CDYL2: variants seen among roughly 807,000 people sequenced by gnomAD.
CDYL2 encodes chromodomain Y-like protein 2.
CDYL2 carries 23 observed loss-of-function variants against 49.4 expected under a neutral mutation model. That is an observed-to-expected ratio of 0.47 (90% confidence interval 0.34 to 0.66). The LOEUF (loss-of-function observed/expected upper bound fraction) is 0.66, where lower values mean the gene tolerates loss of function less well. Ranked by LOEUF, CDYL2 falls within the 30% of genes least tolerant of loss-of-function variation. The pLI is 0.01. For synonymous variants in CDYL2, 360 were observed against 268.8 expected, an observed-to-expected ratio of 1.34 and a Z score of -3.32; for missense variants, 678 against 656.4, an observed-to-expected ratio of 1.03 and a Z score of -0.36.
intron 2 of CDYL2, among the ~76,000 whole-genome samples, chr16:80,679,430 T>C (rs753173711): frequency 1.3e-5 from 2 of 152,146 alleles, no homozygotes; most frequent in Non-Finnish European, 2.9e-5. Flanking sequence ...GGCCGTGGTA[T>C]AGAGGCCAGC....
intron 2 of CDYL2, among the ~76,000 whole-genome samples, chr16:80,649,167 G>A (rs1287556895): frequency 6.6e-6 from 1 of 151,988 alleles, no homozygotes; most frequent in Non-Finnish European, 1.5e-5. Flanking sequence ...AAGAAATAAA[G>A]GGCTTCCAAA....
intron 2 of CDYL2, among the ~76,000 whole-genome samples, chr16:80,659,411 G>C (rs1044818403): frequency 3.3e-5 from 5 of 152,030 alleles, no homozygotes; most frequent in African/African-American, 1.2e-4. Context: ...AAAACTGAAT[G>C]TGGGCTAAAA....
At chr16:80,742,488 G>GGATGGATA (rs1229092017) in intron 1 of CDYL2, among the ~76,000 whole-genome samples, 1 of 151,398 alleles carries the variant, frequency 6.6e-6, no homozygotes, top group Admixed American at 6.6e-5. Flanking sequence ...ATGGATGGAT[G>GGATGGATA]GATGGATGAA....
chr16:80,682,290 G>C (rs1289219971), intron 2 of CDYL2, among the ~76,000 whole-genome samples: 1 of 152,188 alleles, frequency 6.6e-6, no homozygotes, highest in Non-Finnish European at 1.5e-5. Flanking sequence ...AGGCAAATAT[G>C]AGGAAGATAA....
At chr16:80,755,917 T>C (rs1906294957) in intron 1 of CDYL2, among the ~76,000 whole-genome samples, 1 of 152,150 alleles carries the variant, frequency 6.6e-6, no homozygotes, top group Non-Finnish European at 1.5e-5. Context: ...CTAAAACTGC[T>C]CTAAAATAAA....
At chr16:80,742,186 C>T (rs1905760854) in intron 1 of CDYL2, 1 of 152,238 alleles carries the variant, frequency 6.6e-6, no homozygotes, top group African/African-American at 2.4e-5. Flanking sequence ...GGCAGTGTGC[C>T]TACCTAGCCC....
intron 1 of CDYL2, among the ~76,000 whole-genome samples, chr16:80,783,018 G>C (rs1907323335): frequency 6.6e-6 from 1 of 151,936 alleles, no homozygotes; most frequent in Admixed American, 6.6e-5. Context: ...CAAGAGCTAA[G>C]GCAATGAAAG....
intron 1 of CDYL2, among the ~76,000 whole-genome samples, chr16:80,768,265 C>T (rs1340417589): frequency 6.6e-6 from 1 of 152,200 alleles, no homozygotes; most frequent in Non-Finnish European, 1.5e-5. Flanking sequence ...CTCTCTCTCC[C>T]TATTCACTGG....
intron 1 of CDYL2, among the ~76,000 whole-genome samples, chr16:80,762,917 G>T (rs112930568): frequency 5.9e-5 from 9 of 152,284 alleles, no homozygotes; most frequent in South Asian, 2.1e-4. Context: ...CAGTACTGCT[G>T]GCCATGAGTT....
chr16:80,755,104 C>G (rs1197474229), intron 1 of CDYL2, among the ~76,000 whole-genome samples: 1 of 152,176 alleles, frequency 6.6e-6, no homozygotes, highest in Non-Finnish European at 1.5e-5. Context: ...TCCCCTCTCA[C>G]AGCCTTGGTT....
At chr16:80,657,463 G>T (rs1007053747) in intron 2 of CDYL2, among the ~76,000 whole-genome samples, 5 of 152,052 alleles carry the variant, frequency 3.3e-5, no homozygotes, top group Non-Finnish European at 7.4e-5. Flanking sequence ...AGGAAAAAAT[G>T]AACAAAAGAC....
chr16:80,771,568 G>A (rs1019760699), intron 1 of CDYL2, among the ~76,000 whole-genome samples: 1 of 152,114 alleles, frequency 6.6e-6, no homozygotes, highest in Non-Finnish European at 1.5e-5. Flanking sequence ...AGCCAGGTGT[G>A]GTGGTGCGCA....
In CDYL2 at chr16:80,602,047, T is replaced by C. The variant is rs940653014; in HGVS notation, c.*2341A>G. On this transcript the variant is annotated 3_prime_UTR_variant, in exon 7 of 7. Transcript: ENST00000570137. ...CACTTCAACCGATGCTGAATATAAC[T>C]GCGCCCAATCAGAAGTTCAACAGAA... is the stretch of plus-strand genomic sequence containing the variant. 17 of 152,204 alleles carry C rather than the reference T, an allele frequency of 1.1e-4. 1 individual carries two copies. The highest frequency in any genetic ancestry group is 2.2e-4 in the Non-Finnish European group (15 of 68,048). 9.4% of individuals were successfully genotyped at this position (152,204 alleles called of 1,614,324 possible).
chr16:80,768,198 C>G (rs1906789140), intron 1 of CDYL2, among the ~76,000 whole-genome samples: 2 of 152,180 alleles, frequency 1.3e-5, no homozygotes, highest in African/African-American at 4.8e-5. Context: ...TGAAGGGAAA[C>G]AGAACATACT....
chr16:80,796,732 G>T (rs982040994), intron 1 of CDYL2, among the ~76,000 whole-genome samples: 1 of 152,046 alleles, frequency 6.6e-6, no homozygotes, highest in Non-Finnish European at 1.5e-5. Flanking sequence ...CTTCACCCTG[G>T]ATATCACATT....
At chr16:80,698,617 C>T (rs972991394) in intron 1 of CDYL2, among the ~76,000 whole-genome samples, 1 of 152,214 alleles carries the variant, frequency 6.6e-6, no homozygotes, top group South Asian at 2.1e-4. Context: ...CATGAATAAA[C>T]TGCCATCCTC....
chr16:80,760,107 T>C (rs921515482), intron 1 of CDYL2, among the ~76,000 whole-genome samples: 6 of 152,236 alleles, frequency 3.9e-5, no homozygotes, highest in Admixed American at 2.0e-4. Flanking sequence ...TGGTTTGCTA[T>C]AGGACTCCCT....
chr16:80,719,885 C>T (rs1904941024), intron 1 of CDYL2, among the ~76,000 whole-genome samples: 1 of 152,186 alleles, frequency 6.6e-6, no homozygotes, highest in Admixed American at 6.5e-5. Context: ...TGGCTACCTG[C>T]TGTCCAACCC....
chr16:80,715,970 G>A (rs1057098058), intron 1 of CDYL2, among the ~76,000 whole-genome samples: 2 of 152,226 alleles, frequency 1.3e-5, no homozygotes, highest in Non-Finnish European at 2.9e-5. Flanking sequence ...CAGCTCTGTC[G>A]CCGACCTGTG....
Sources: gnomAD v4.1 joint callset for allele counts (sites outside exome capture counted in the v4.1 genomes callset) on GRCh38, gnomAD v4.1.1 for gene constraint, MANE v1.5 for transcripts, NCBI Gene and HGNC (gene_info 2026-07-23, HGNC 2026-07-21) for gene names.